Variants in NRCAM observed in about 807,000 individuals in gnomAD.
NRCAM encodes NgCAM-related cell adhesion molecule.
Under a neutral mutation model 156.5 loss-of-function variants are expected in NRCAM, and 83 were observed. The ratio of observed to expected loss-of-function variants is 0.53; its 90% CI spans 0.44 to 0.64. The LOEUF is 0.64. NRCAM is among the 30% of genes least tolerant of loss of function. The pLI, the probability that NRCAM is intolerant of heterozygous loss-of-function variation, is 0.00. For synonymous variants in NRCAM, 538 were observed against 563.9 expected, an observed-to-expected ratio of 0.95 and a Z score of 0.65; for missense variants, 1,417 against 1,597.3, an observed-to-expected ratio of 0.89 and a Z score of 1.92.
At chr7:108,212,573 A>G (rs187052242) in intron 11 of NRCAM, among the ~76,000 whole-genome samples, 76 of 152,298 alleles carry the variant, frequency 5.0e-4, no homozygotes, top group African/African-American at 1.8e-3. Context: ...TTCAGGAAAC[A>G]TTGGACACAC....
At chr7:108,387,569 C>T (rs2099744866) in intron 2 of NRCAM, among the ~76,000 whole-genome samples, 1 of 151,860 alleles carries the variant, frequency 6.6e-6, no homozygotes, top group African/African-American at 2.4e-5. Context: ...TATTTATTTA[C>T]TTTTTATTAT....
intron 1 of NRCAM, among the ~76,000 whole-genome samples, chr7:108,411,761 G>A (rs528912089): frequency 4.6e-5 from 7 of 151,986 alleles, no homozygotes; most frequent in Non-Finnish European, 7.4e-5. Context: ...TCGAACTCCC[G>A]ACCTCGTGAT....
chr7:108,371,166 T>C (rs1221139562), intron 2 of NRCAM, among the ~76,000 whole-genome samples: 1 of 152,178 alleles, frequency 6.6e-6, no homozygotes, highest in Non-Finnish European at 1.5e-5. Flanking sequence ...ATATAAGTAG[T>C]TGTAGGATGA....
intron 2 of NRCAM, among the ~76,000 whole-genome samples, chr7:108,356,401 A>G (rs1398116282): frequency 6.6e-6 from 1 of 152,208 alleles, no homozygotes; most frequent in Non-Finnish European, 1.5e-5. Context: ...AAAACAGTGT[A>G]TATAGGGTTC....
chr7:108,389,617 T>C lies in NRCAM; in HGVS notation c.-174+9819A>G, dbSNP rs550743765. On this transcript the variant is annotated intron_variant, in intron 2 of 32. Transcript: ENST00000379028. ...GTTGAATAGGAGTGGTGAGAGAGGG[T>C]ATCCCTGTCTTGTGCCAGTTTTCAA... Among the ~76,000 whole-genome samples, 145 of 152,200 alleles carry C rather than the reference T, an allele frequency of 9.5e-4. No individual in the cohort carries two copies. In the South Asian group the frequency reaches 0.014, roughly 15 times the overall value.
At chr7:108,189,257 T>A (rs998061676) in intron 20 of NRCAM, among the ~76,000 whole-genome samples, 16 of 152,196 alleles carry the variant, frequency 1.1e-4, no homozygotes, top group African/African-American at 3.6e-4. Flanking sequence ...AAGTATCAGT[T>A]TCCTAATAGG....
At chr7:108,154,165 A>G (rs2043410548) in intron 32 of NRCAM, among the ~76,000 whole-genome samples, 1 of 152,174 alleles carries the variant, frequency 6.6e-6, no homozygotes, top group African/African-American at 2.4e-5. Flanking sequence ...AGATATCAAG[A>G]CTTATTAAAA....
rs115706116 is a variant in NRCAM, at chr7:108,293,535, C to T, written c.-107+19130G>A. Among the ~76,000 whole-genome samples, 1,138 of 152,262 alleles carry T rather than the reference C, an allele frequency of 7.5e-3. 15 individuals carry two copies. Among genetic ancestry groups the T allele is most frequent in the African/African-American group, 0.025 (1,056 of 41,540 alleles). On this transcript the variant is annotated intron_variant, in intron 3 of 32. Transcript: ENST00000379028. ...CTAATTTAGTCATGTTTTCCTACGT[C>T]ATAAAGGAAGTCTAAGTGCAGGCAG... is the stretch of plus-strand genomic sequence containing the variant.
At chr7:108,342,556 C>T (rs1212851646) in intron 2 of NRCAM, among the ~76,000 whole-genome samples, 1 of 152,214 alleles carries the variant, frequency 6.6e-6, no homozygotes, top group Non-Finnish European at 1.5e-5. Context: ...TTTCCAGGCC[C>T]TGAAGAAGGC....
At chr7:108,197,780 A>G (rs2075935345) in intron 14 of NRCAM, among the ~76,000 whole-genome samples, 176 bp downstream of exon 14, 1 of 152,222 alleles carries the variant, frequency 6.6e-6, no homozygotes, top group African/African-American at 2.4e-5. Flanking sequence ...GTGTTATGGA[A>G]GAACATTAAG....
intron 2 of NRCAM, among the ~76,000 whole-genome samples, chr7:108,337,850 C>A (rs879265954): frequency 2.6e-5 from 4 of 152,204 alleles, no homozygotes; most frequent in African/African-American, 4.8e-5. Flanking sequence ...CATTTAGCGA[C>A]CACGAAGGGA....
chr7:108,280,768 C>T (rs1488274495), intron 3 of NRCAM, among the ~76,000 whole-genome samples: 1 of 152,122 alleles, frequency 6.6e-6, no homozygotes, highest in Non-Finnish European at 1.5e-5. Flanking sequence ...CAAATGCCAC[C>T]TTAATATGAT....
chr7:108,246,307 C>T (rs1389566725), intron 3 of NRCAM, among the ~76,000 whole-genome samples: 3 of 151,966 alleles, frequency 2.0e-5, no homozygotes, highest in Admixed American at 2.0e-4. Context: ...GGTGTTCAGC[C>T]TTTGTCTGAA....
At chr7:108,194,510 A>G (rs1188422146) in intron 15 of NRCAM, 82 bp from the exon 16 acceptor site, 1 of 902,610 alleles carries the variant, frequency 1.1e-6, no homozygotes, top group East Asian at 2.6e-5. Flanking sequence ...TTCAAGGTCA[A>G]CATGACCATG....
At chr7:108,256,785 G>T (rs983335123) in intron 3 of NRCAM, among the ~76,000 whole-genome samples, 29 of 152,100 alleles carry the variant, frequency 1.9e-4, no homozygotes, top group Non-Finnish European at 4.1e-4. Context: ...GGAGGCCAAG[G>T]CGGGCGGATT....
At chr7:108,445,371 G>C (rs1227629702) in intron 1 of NRCAM, among the ~76,000 whole-genome samples, 1 of 152,130 alleles carries the variant, frequency 6.6e-6, no homozygotes, top group Non-Finnish European at 1.5e-5. Flanking sequence ...GTCCTATCCT[G>C]CAGCATCAAC....
chr7:108,215,734 T>TA (rs1167984445), intron 11 of NRCAM, among the ~76,000 whole-genome samples: 2 of 83,092 alleles, frequency 2.4e-5, no homozygotes, highest in Admixed American at 1.1e-4. Context: ...CCCCTGCCTT[T>TA]TTTTTTTTTT....
chr7:108,178,631 G>C (rs1271571583), intron 25 of NRCAM, among the ~76,000 whole-genome samples: 1 of 152,190 alleles, frequency 6.6e-6, no homozygotes, highest in Non-Finnish European at 1.5e-5. Context: ...CCAGGATCTG[G>C]TGGTGAATGG....
intron 3 of NRCAM, among the ~76,000 whole-genome samples, chr7:108,303,269 T>C (rs1171619314): frequency 6.6e-6 from 1 of 152,154 alleles, no homozygotes; most frequent in Admixed American, 6.5e-5. Flanking sequence ...GCTGTTCAGG[T>C]ACATTTTCTA....
Sources: gnomAD v4.1 joint callset for allele counts (sites outside exome capture counted in the v4.1 genomes callset) on GRCh38, gnomAD v4.1.1 for gene constraint, MANE v1.5 for transcripts, NCBI Gene and HGNC (gene_info 2026-07-23, HGNC 2026-07-21) for gene names.